The following REV3L variants were observed in gnomAD, a reference collection of about 807,000 sequenced individuals.
The protein encoded by REV3L is DNA polymerase zeta catalytic subunit.
REV3L carries 69 observed loss-of-function variants against 299.4 expected under a neutral mutation model. That is an observed-to-expected ratio of 0.23 (90% confidence interval 0.19 to 0.28). The LOEUF is 0.28. REV3L is among the 10% of genes least tolerant of loss of function. The pLI, the probability that REV3L is intolerant of heterozygous loss-of-function variation, is 1.00. For missense variants in REV3L, 3,128 were observed against 3,693.8 expected, an observed-to-expected ratio of 0.85 and a Z score of 3.97; for synonymous variants, 1,238 against 1,271.4, an observed-to-expected ratio of 0.97 and a Z score of 0.56.
chr6:111,394,265 TAA>T, intron 4 of REV3L, among the ~76,000 whole-genome samples: 1 of 152,316 alleles, frequency 6.6e-6, no homozygotes, highest in Non-Finnish European at 1.5e-5. Context: ...CAACAGTGTA[TAA>T]GAGTTTCCTT....
chr6:111,303,039 CAG>C (rs1192683289), intron 31 of REV3L, among the ~76,000 whole-genome samples: 4 of 151,908 alleles, frequency 2.6e-5, no homozygotes, highest in South Asian at 4.2e-4. Flanking sequence ...TTTTGTTTAA[CAG>C]AATTTACAAG....
At chr6:111,419,057 A>G (rs1387039017) in intron 1 of REV3L, among the ~76,000 whole-genome samples, 32 of 152,172 alleles carry the variant, frequency 2.1e-4, no homozygotes, top group Admixed American at 2.1e-3. Flanking sequence ...TGGGGTTGAG[A>G]AGGATCCCCA....
intron 1 of REV3L, among the ~76,000 whole-genome samples, chr6:111,478,428 T>C (rs1180621865): frequency 6.6e-6 from 1 of 152,070 alleles, no homozygotes; most frequent in Non-Finnish European, 1.5e-5. Context: ...GATGAGTCAT[T>C]ACATCTCCAT....
chr6:111,396,112 C>T lies in REV3L; in HGVS notation c.566-3140G>A, dbSNP rs552885217. ...CATGATCTTGGCTTACTGTAACCTC[C>T]GCCTCCTGGGCTCAAGCCATCCTCC... On this transcript the variant is annotated intron_variant, in intron 4 of 31. Transcript: ENST00000368802. Among the ~76,000 whole-genome samples, 10 of 152,212 alleles carry T rather than the reference C, an allele frequency of 6.6e-5. No homozygotes were observed. In the South Asian group the frequency reaches 8.3e-4, roughly 13 times the overall value.
intron 1 of REV3L, among the ~76,000 whole-genome samples, chr6:111,417,312 G>C (rs551406356): frequency 5.9e-4 from 90 of 152,258 alleles, no homozygotes; most frequent in African/African-American, 2.1e-3. Flanking sequence ...AACAACAATG[G>C]CAACAAAAAG....
At chr6:111,401,649 T>C (rs1457683823) in intron 4 of REV3L, among the ~76,000 whole-genome samples, 1 of 152,244 alleles carries the variant, frequency 6.6e-6, no homozygotes, top group Non-Finnish European at 1.5e-5. Context: ...AATAAAAATG[T>C]AATTTTAACA....
chr6:111,431,470 C>T, intron 1 of REV3L: 1 of 1,043,092 alleles, frequency 9.6e-7, no homozygotes, highest in South Asian at 1.3e-5. Context: ...CTTGATGAGA[C>T]CACCAGATTG....
chr6:111,372,217 T>C (rs1273442705), intron 13 of REV3L, among the ~76,000 whole-genome samples: 2 of 152,186 alleles, frequency 1.3e-5, no homozygotes, highest in Non-Finnish European at 2.9e-5. Context: ...GAAGTTCTTT[T>C]AAAATGGTAT....
intron 1 of REV3L, among the ~76,000 whole-genome samples, chr6:111,479,602 T>C (rs182734050): frequency 2.0e-5 from 3 of 150,756 alleles, no homozygotes; most frequent in East Asian, 4.0e-4. Flanking sequence ...CTCAACCTTC[T>C]GGGCTGAAGC....
intron 1 of REV3L, 60 bp downstream of exon 1, chr6:111,482,690 G>A (rs1793905588): frequency 9.2e-7 from 1 of 1,087,566 alleles, no homozygotes; most frequent in Non-Finnish European, 1.1e-6. Context: ...GCGCGGCGGG[G>A]AGGGCGGCCC....
At chr6:111,469,945 T>C (rs942366921) in intron 1 of REV3L, among the ~76,000 whole-genome samples, 3 of 152,216 alleles carry the variant, frequency 2.0e-5, no homozygotes, top group Non-Finnish European at 4.4e-5. Flanking sequence ...AGAAGATTTT[T>C]CCCTTACCTG....
chr6:111,435,094 A>G (rs1787395812), intron 1 of REV3L, among the ~76,000 whole-genome samples: 1 of 152,146 alleles, frequency 6.6e-6, no homozygotes. Flanking sequence ...AGTCCCAGCT[A>G]CTGGGGAGGC....
chr6:111,473,418 A>G (rs1433982964), intron 1 of REV3L, among the ~76,000 whole-genome samples: 1 of 152,084 alleles, frequency 6.6e-6, no homozygotes, highest in African/African-American at 2.4e-5. Flanking sequence ...TAATTATAGT[A>G]CCAGAGGAAC....
At chr6:111,310,236 T>C (rs1562100323) in intron 29 of REV3L, 137 bp from the exon 30 acceptor site, 2 of 1,125,794 alleles carry the variant, frequency 1.8e-6, no homozygotes, top group Non-Finnish European at 2.4e-6. Flanking sequence ...AATTACTATT[T>C]CTTTGAGAAT....
intron 1 of REV3L, among the ~76,000 whole-genome samples, chr6:111,453,809 C>T (rs988599099): frequency 1.3e-5 from 2 of 151,880 alleles, no homozygotes; most frequent in African/African-American, 4.8e-5. Context: ...CATGGTGAAA[C>T]CCCATCTCTA....
intron 25 of REV3L, among the ~76,000 whole-genome samples, chr6:111,329,110 C>A (rs1775123320): frequency 6.6e-6 from 1 of 151,888 alleles, no homozygotes; most frequent in African/African-American, 2.4e-5. Context: ...ATGGCGCGAT[C>A]TTGGCTCACT....
At chr6:111,388,581 T>C (rs1392643951) in intron 7 of REV3L, among the ~76,000 whole-genome samples, 2 of 152,208 alleles carry the variant, frequency 1.3e-5, no homozygotes, top group East Asian at 1.9e-4. Context: ...GTATCCATGG[T>C]ATTATCTAAA....
Position 111,367,286 on chromosome 6 carries a change from T to C in REV3L, c.6502A>G (p.Ile2168Val). The C allele has an allele frequency of 1.2e-6, 2 of 1,611,824 alleles. No individual in the cohort carries two copies. The highest frequency in any genetic ancestry group is 2.7e-5 in the African/African-American group (2 of 74,762). ...GGCTCACTGCAGGGGCTTTTTTGTA[T>C]ACCATCTTTTATTGGCTTTAAGAAG... ...ENFLKPIKDG[I>V]QKSPCSEPQE... is the part of the protein sequence containing the mutation. Residue 2168 changes from isoleucine (I) to valine (V), a missense_variant, in exon 14 of 32, where the codon ATA becomes GTA. Physicochemically the swap from Ile to Val is conservative, Grantham distance 29 (BLOSUM62 3). Around this residue, in one of 9 missense-constraint regions of REV3L, gnomAD observed 2,409 missense variants for 2,611.8 expected, o/e 0.92. Coordinates refer to ENST00000368802, the MANE Select transcript of REV3L (RefSeq NM_001372078.1).
intron 1 of REV3L, among the ~76,000 whole-genome samples, chr6:111,450,147 C>T (rs570737011): frequency 2.6e-5 from 4 of 151,952 alleles, no homozygotes; most frequent in African/African-American, 9.6e-5. Context: ...CCATAGAAAC[C>T]GTCCAAAATG....
Sources: gnomAD v4.1 joint callset for allele counts (sites outside exome capture counted in the v4.1 genomes callset) on GRCh38, gnomAD v4.1.1 for gene constraint, gnomAD v4.1.1 regional missense constraint, MANE v1.5 for transcripts, NCBI Gene and HGNC (gene_info 2026-07-23, HGNC 2026-07-21) for gene names.